CAST: variants seen among roughly 807,000 people sequenced by gnomAD.
CAST encodes the protein calpastatin.
In CAST, 76 loss-of-function variants were observed where a neutral mutation model predicts 119.6. The observed-to-expected ratio is 0.64, with a 90% confidence interval of 0.53 to 0.77. The LOEUF is 0.77. Among genes scored for constraint, CAST ranks in the 30% least tolerant of loss-of-function variants. The probability of loss-of-function intolerance (pLI) is 0.00; values close to 1 mark genes in which losing one functional copy is unlikely to be tolerated. For missense variants in CAST, 953 were observed against 946.5 expected, an observed-to-expected ratio of 1.01 and a Z score of -0.09; for synonymous variants, 319 against 331.6, an observed-to-expected ratio of 0.96 and a Z score of 0.41.
chr5:96,572,558 G>A (rs1746590449), intron 1 of CAST, among the ~76,000 whole-genome samples: 2 of 152,140 alleles, frequency 1.3e-5, no homozygotes, highest in Admixed American at 6.5e-5. Context: ...GGTCAGGCTA[G>A]TTTAATATCC....
At chr5:96,653,558 G>T (rs76482623) in intron 1 of CAST, among the ~76,000 whole-genome samples, 8,515 of 152,134 alleles carry the variant, frequency 0.056, 585 homozygotes, top group East Asian at 0.21. Context: ...ATAAAACCTC[G>T]TAACATTGCT....
chr5:96,622,389 C>T (rs1747629309), intron 1 of CAST, among the ~76,000 whole-genome samples: 1 of 152,140 alleles, frequency 6.6e-6, no homozygotes, highest in Non-Finnish European at 1.5e-5. Context: ...AAAACATATT[C>T]TCCTCTGGGT....
chr5:96,118,337 T>C, the CAST span, among the ~76,000 whole-genome samples: 1 of 152,162 alleles, frequency 6.6e-6, no homozygotes, highest in African/African-American at 2.4e-5. Context: ...CCTCTCCCAA[T>C]TGTGGTTTGC....
the CAST span, among the ~76,000 whole-genome samples, chr5:96,084,554 G>A: frequency 2.6e-5 from 4 of 152,180 alleles, no homozygotes; most frequent in South Asian, 2.1e-4. Flanking sequence ...TTTGTTGGTC[G>A]CAGGCACCAG....
the CAST span, among the ~76,000 whole-genome samples, chr5:96,128,633 C>T: frequency 0.026 from 3,962 of 152,202 alleles, 160 homozygotes; most frequent in African/African-American, 0.09. Flanking sequence ...CTACTGAAAA[C>T]GACTTCAGTA....
chr5:96,715,200 T>C (rs1290307429), intron 3 of CAST: 3 of 152,232 alleles, frequency 2.0e-5, no homozygotes, highest in African/African-American at 7.2e-5. Flanking sequence ...AAGCTGTAGT[T>C]ATCTTCAGTT....
chr5:96,466,162 C>A, the CAST span, among the ~76,000 whole-genome samples: 40 of 152,076 alleles, frequency 2.6e-4, no homozygotes, highest in Non-Finnish European at 5.3e-4. Flanking sequence ...AGAGTACTAT[C>A]TGTATAGTTA....
the CAST span, among the ~76,000 whole-genome samples, chr5:96,383,045 A>G: frequency 6.6e-6 from 1 of 152,156 alleles, no homozygotes; most frequent in African/African-American, 2.4e-5. Context: ...AACCTGAGAG[A>G]CATTAGAGGA....
intron 9 of CAST, among the ~76,000 whole-genome samples, chr5:96,732,451 G>A (rs1228790431): frequency 7.8e-6 from 1 of 128,692 alleles, no homozygotes; most frequent in East Asian, 2.1e-4. Flanking sequence ...CATTTTGTAG[G>A]TTGCCTGTTC....
chr5:96,383,903 A>T, the CAST span, among the ~76,000 whole-genome samples: 78 of 152,304 alleles, frequency 5.1e-4, 1 homozygote, highest in South Asian at 0.016. Context: ...GAGAAGAGTA[A>T]GTGGGCAGGC....
the CAST span, among the ~76,000 whole-genome samples, chr5:96,374,011 A>G: frequency 6.6e-6 from 1 of 152,164 alleles, no homozygotes; most frequent in Non-Finnish European, 1.5e-5. Flanking sequence ...GATTGCGGGC[A>G]GCAGTATTTA....
At chr5:96,052,020 G>A in the CAST span, among the ~76,000 whole-genome samples, 1,210 of 152,208 alleles carry the variant, frequency 7.9e-3, 19 homozygotes, top group African/African-American at 0.028. Context: ...CTCATGAGGG[G>A]GCGAGGGATA....
the CAST span, among the ~76,000 whole-genome samples, chr5:96,126,766 T>A: frequency 5.3e-5 from 8 of 152,168 alleles, no homozygotes; most frequent in Non-Finnish European, 1.0e-4. Context: ...TCATCTTTTT[T>A]AATCTCTATA....
the CAST span, among the ~76,000 whole-genome samples, chr5:96,343,360 A>G: frequency 4.6e-5 from 7 of 152,332 alleles, no homozygotes; most frequent in South Asian, 1.4e-3. Context: ...TTTTAATAAA[A>G]TGATGTTAAA....
At chr5:96,313,782 A>G in the CAST span, among the ~76,000 whole-genome samples, 1 of 152,104 alleles carries the variant, frequency 6.6e-6, no homozygotes, top group Non-Finnish European at 1.5e-5. Flanking sequence ...TGGCACTGTC[A>G]GATTTTTTTT....
At chr5:96,670,035 T>C (rs905651170) in intron 1 of CAST, among the ~76,000 whole-genome samples, 2 of 152,202 alleles carry the variant, frequency 1.3e-5, no homozygotes, top group African/African-American at 4.8e-5. Flanking sequence ...CTGAAGTCTT[T>C]GTGATCCTCA....
At chr5:96,312,371 CT>C in the CAST span, among the ~76,000 whole-genome samples, 1 of 152,048 alleles carries the variant, frequency 6.6e-6, no homozygotes, top group Non-Finnish European at 1.5e-5. Context: ...AGGGTTACCC[CT>C]GTGTTGTATT....
chr5:96,339,963 G>A, the CAST span, among the ~76,000 whole-genome samples: 3 of 152,124 alleles, frequency 2.0e-5, no homozygotes, highest in Non-Finnish European at 4.4e-5. Flanking sequence ...CTGTGGGTTA[G>A]GATCCTATCT....
chr5:96,619,241 A>G (rs1747537853), intron 1 of CAST, among the ~76,000 whole-genome samples: 1 of 151,950 alleles, frequency 6.6e-6, no homozygotes, highest in African/African-American at 2.4e-5. Flanking sequence ...TGCTCTGCCT[A>G]GCTAATCTAG....
Sources: allele counts gnomAD v4.1 joint callset (sites outside exome capture counted in the v4.1 genomes callset), GRCh38; gene constraint gnomAD v4.1.1; transcripts MANE v1.5; gene names NCBI Gene and HGNC (gene_info 2026-07-23, HGNC 2026-07-21).